CTU2: variants seen among roughly 807,000 people sequenced by gnomAD.
CTU2 encodes the protein cytosolic thiouridylase subunit 2.
In CTU2, 80 loss-of-function variants were observed where a neutral mutation model predicts 64.1. The observed-to-expected ratio is 1.25, with a 90% confidence interval of 1.04 to 1.50. The LOEUF is 1.50. CTU2 is among the 40% of genes most tolerant of loss of function. The pLI is 0.00. For missense variants in CTU2, 1,110 were observed against 690.2 expected (o/e 1.61, Z -6.81); for synonymous variants, 482 against 285.3 (o/e 1.69, Z -6.95).
rs755851052 is a variant in CTU2 at position 88,713,633 on chromosome 16, C to T, written c.874-14C>T. The T allele has an allele frequency of 1.9e-6, 3 of 1,610,208 alleles. No individual in the cohort carries two copies. Among genetic ancestry groups the T allele is most frequent in the Admixed American group, 3.3e-5 (2 of 59,834 alleles). ...GGGCCTTGACCTGGACCACACAGCC[C>T]CTGCCTCCCGCAGGGCTTCTCGGAT... On this transcript the variant is annotated splice_polypyrimidine_tract_variant and intron_variant, in intron 8 of 14. Transcript: ENST00000453996.
At position 88,712,113 on chromosome 16, in the gene CTU2, AC is replaced by A. The variant is rs777996656; in HGVS notation, c.344-157del. ...CGCTGAGGTCAGCCGCAAGAGAGAA[AC>A]CCCTGCCCAAAGGAAAATGGCCGAC... On this transcript the variant is annotated intron_variant, in intron 5 of 14. Coordinates refer to ENST00000453996, the MANE Select transcript of CTU2 (RefSeq NM_001012759.3). 6 of 728,058 alleles carry A rather than the reference AC, an allele frequency of 8.2e-6. No homozygotes were observed. In the South Asian group the frequency reaches 8.8e-5, roughly 11 times the overall value. 45.1% of individuals were successfully genotyped at this position (728,058 alleles called of 1,614,324 possible). A position where few individuals can be genotyped will look rare whatever the true frequency, so the allele number is the denominator to read the frequency against.
chr16:88,710,338 G>A (rs1381371497), intron 4 of CTU2, 56 bp downstream of exon 4: 1 of 1,582,924 alleles, frequency 6.3e-7, no homozygotes, highest in African/African-American at 1.3e-5. Flanking sequence ...CAGGCTGGGG[G>A]CCTCCCTTCT....
At chr16:88,708,119 A>G (rs1336335936) in intron 2 of CTU2, among the ~76,000 whole-genome samples, 1 of 152,152 alleles carries the variant, frequency 6.6e-6, no homozygotes, top group African/African-American at 2.4e-5. Flanking sequence ...TGGCCAAGAT[A>G]GGTACTTCTT....
At chr16:88,706,915 T>C in intron 1 of CTU2, 1 of 576,162 alleles carries the variant, frequency 1.7e-6, no homozygotes. Flanking sequence ...AAGCGGCCTT[T>C]ATGTGCCCCC....
chr16:88,713,787 T>C lies in CTU2; in HGVS notation c.1005+9T>C, dbSNP rs747038910. 3.1e-6 allele frequency: 5 copies of C among 1,611,466 alleles called. No homozygotes were observed. The highest frequency in any genetic ancestry group is 1.7e-5 in the Admixed American group (1 of 59,964). On this transcript the variant is annotated intron_variant, in intron 9 of 14. Coordinates refer to ENST00000453996, the MANE Select transcript of CTU2 (RefSeq NM_001012759.3). ...CAGCCGTCGACACCAAGGTGGGCCT[T>C]GTGGGCTGGGCAACCTCTCTCACCA... is the stretch of plus-strand genomic sequence containing the variant.
Position 88,714,251 on chromosome 16 carries a change from C to T in CTU2, c.1097+24C>T, listed in dbSNP as rs368817425. 120 of 1,599,116 alleles carry T rather than the reference C, an allele frequency of 7.5e-5. 1 individual carries two copies. The highest frequency in any genetic ancestry group is 6.2e-4 in the African/African-American group (44 of 70,970). On this transcript the variant is annotated intron_variant, in intron 10 of 14. Coordinates refer to ENST00000453996, the MANE Select transcript of CTU2 (RefSeq NM_001012759.3). ...AGGTGTGGGTGTGTGTGGGTGTGTG[C>T]GGGGGGTGCGCGGGTGTGTGCTGTG...
intron 9 of CTU2, 123 bp from the exon 10 acceptor site, chr16:88,714,013 G>C (rs992064852): frequency 2.7e-6 from 3 of 1,108,308 alleles, no homozygotes; most frequent in Admixed American, 3.8e-5. Context: ...TTGAGCAGTC[G>C]CAGCAAAGCC....
chr16:88,712,629 G>A lies in CTU2; in HGVS notation c.461G>A (p.Ser154Asn), dbSNP rs553818539. ...TCTCCCTCATCCCGGAAGGTGTTCA[G>A]CCTGCCACCGTCGGTGCTTTGGTGC... ...WHVVALEEVF[S>N]LPPSVLWCSA... Residue 154 changes from serine (S) to asparagine (N), a missense_variant, in exon 7 of 15, where the codon AGC becomes AAC. By Grantham distance (46) the Ser-to-Asn change is conservative (BLOSUM62 1). Coordinates refer to ENST00000453996, the MANE Select transcript of CTU2 (RefSeq NM_001012759.3). 6.2e-7 allele frequency: 1 copy of A among 1,609,862 alleles called. No homozygotes were observed. The highest frequency in any genetic ancestry group is 8.5e-7 in the Non-Finnish European group (1 of 1,179,318).
chr16:88,712,885 G>C lies in CTU2; in HGVS notation c.717G>C (p.Glu239Asp), dbSNP rs746463376. 4 of 1,531,714 alleles carry C rather than the reference G, an allele frequency of 2.6e-6. No homozygotes were observed. Among genetic ancestry groups the C allele is most frequent in the South Asian group, 1.3e-5 (1 of 79,870 alleles). 94.9% of individuals were successfully genotyped at this position (1,531,714 alleles called of 1,614,324 possible). ...CAGTGAGGACACTGACTGCCAAGGA[G>C]GAGCTTCTGCAGACCCTGCGGTGAG... ...FCSVRTLTAK[E>D]ELLQTLRTHL... The change falls in exon 7 of 15, where the codon GAG becomes GAC. Residue 239 changes from glutamate (E) to aspartate (D), a missense_variant. Transcript: ENST00000453996.
chr16:88,714,306 A>G (rs1911680434), intron 10 of CTU2, 77 bp from the exon 11 acceptor site: 6 of 1,596,174 alleles, frequency 3.8e-6, no homozygotes, highest in Non-Finnish European at 5.1e-6. Flanking sequence ...TGAGCTCACC[A>G]CTCGTGCTCA....
At chr16:88,713,942 T>G (rs1298110597) in intron 9 of CTU2, among the ~76,000 whole-genome samples, 164 bp downstream of exon 9, 1 of 152,134 alleles carries the variant, frequency 6.6e-6, no homozygotes, top group Non-Finnish European at 1.5e-5. Flanking sequence ...GCCGTGAGGG[T>G]GTGGGGGTGA....
Position 88,711,655 on chromosome 16 carries a change from CA to C in CTU2, c.307del (p.Arg103AspfsTer21). ...TCTAGGGCCTGAGCCAAGATTCTGC[CA>C]AAAGACTGCGCTTTGTGGCAGGAGT... The part of the protein sequence containing the change: ...VLEGLSQDSA[K>X]RLRFVAGVIF... On this transcript the variant is annotated frameshift_variant, in exon 5 of 15. Transcript: ENST00000453996. LOFTEE classifies it high-confidence loss of function. 1 of 1,607,658 alleles carries C rather than the reference CA, an allele frequency of 6.2e-7. No homozygotes were observed. Among genetic ancestry groups the C allele is most frequent in the East Asian group, 2.2e-5 (1 of 44,530 alleles).
intron 6 of CTU2, 21 bp downstream of exon 6, chr16:88,712,404 A>G (rs761920979): frequency 6.4e-7 from 1 of 1,574,762 alleles, no homozygotes; most frequent in Admixed American, 1.8e-5. Context: ...TGTCCCTGGA[A>G]AGGGGTCCCG....
At chr16:88,714,837 C>G in intron 12 of CTU2, 23 bp from the exon 13 acceptor site, 1 of 1,612,410 alleles carries the variant, frequency 6.2e-7, no homozygotes, top group Non-Finnish European at 8.5e-7. Flanking sequence ...AAGGTGGGCA[C>G]ACAGCCAGCT....
chr16:88,715,108 T>A lies in CTU2; in HGVS notation c.1478+2T>A. 1 of 1,591,030 alleles carries A rather than the reference T, an allele frequency of 6.3e-7. No individual in the cohort carries two copies. The highest frequency in any genetic ancestry group is 8.6e-7 in the Non-Finnish European group (1 of 1,168,826). ...TGAGGCCCAGCTCCGCACACAGAGG[T>A]ACTGGGGCCCACACTGCCGTGGCGC... is the stretch of plus-strand genomic sequence containing the variant. On this transcript the variant is annotated splice_donor_variant, in intron 14 of 14. Coordinates refer to ENST00000453996, the MANE Select transcript of CTU2 (RefSeq NM_001012759.3). LOFTEE classifies it high-confidence loss of function.
rs62049777 is a variant in CTU2 at position 88,711,167 on chromosome 16, C to T, written c.283-468C>T. On this transcript the variant is annotated intron_variant, in intron 4 of 14. Coordinates refer to ENST00000453996, the MANE Select transcript of CTU2 (RefSeq NM_001012759.3). ...GTTTTCTGAGGTCCCCTGAACCTGC[C>T]AGGAGGGTGTTGTGAGGGAACTGGC... Among the ~76,000 whole-genome samples the T allele has an allele frequency of 2.3e-3, 356 of 152,258 alleles. 1 individual carries two copies. Among genetic ancestry groups the T allele is most frequent in the Admixed American group, 4.1e-3 (63 of 15,292 alleles).
In CTU2 at chr16:88,715,213, C is replaced by CTGA; in HGVS notation, c.1512_1514dup (p.Leu504_Ile505insMet). The CTGA allele has an allele frequency of 1.2e-6, 2 of 1,612,354 alleles. No homozygotes were observed. The highest frequency in any genetic ancestry group is 1.7e-4 in the Middle Eastern group (1 of 6,058). ...GGGCTTGCAGGAGATCCGGGACTGTCTGATTGAGGACAGTGACGACGAGGC... is the reference window on the plus strand; with the variant it reads ...GGGCTTGCAGGAGATCCGGGACTGTCTGATGATTGAGGACAGTGACGACGAGGC... On this transcript the variant is annotated inframe_insertion, in exon 15 of 15. Transcript: ENST00000453996.
In CTU2 at chr16:88,712,800, A is replaced by G. The variant is rs760061492; in HGVS notation, c.632A>G (p.Gln211Arg). The change falls in exon 7 of 15, where the codon CAG becomes CGG. Residue 211 changes from glutamine to arginine, a missense_variant. Coordinates refer to ENST00000453996, the MANE Select transcript of CTU2 (RefSeq NM_001012759.3). ...CCACCCCAGCCCCCGCTGGACCCCC[A>G]GAACCTGGCAAGACCGCCTGCCCCT... is the stretch of plus-strand genomic sequence containing the variant. ...EQPPQPPLDP[Q>R]NLARPPAPAQ... The G allele has an allele frequency of 1.9e-6, 3 of 1,607,608 alleles. No individual in the cohort carries two copies. Among genetic ancestry groups the G allele is most frequent in the Non-Finnish European group, 2.5e-6 (3 of 1,177,766 alleles).
intron 9 of CTU2, 61 bp from the exon 10 acceptor site, chr16:88,714,075 C>G (rs1263439518): frequency 6.5e-7 from 1 of 1,526,948 alleles, no homozygotes; most frequent in Admixed American, 1.7e-5. Context: ...CCTGGGGACT[C>G]TGCCCCAGCC....
Sources: allele counts gnomAD v4.1 joint callset (sites outside exome capture counted in the v4.1 genomes callset), GRCh38; gene constraint gnomAD v4.1.1; transcripts MANE v1.5; gene names NCBI Gene and HGNC (gene_info 2026-07-23, HGNC 2026-07-21).